The following RASGEF1A variants were observed in gnomAD, a reference collection of about 807,000 sequenced individuals.
RASGEF1A encodes the protein RasGEF domain family member 1A.
A neutral mutation model predicts 56.4 loss-of-function variants in RASGEF1A; 18 were observed. The ratio of observed to expected loss-of-function variants is 0.32; its 90% CI spans 0.22 to 0.47. The LOEUF (loss-of-function observed/expected upper bound fraction) is 0.47. RASGEF1A is among the 20% of genes least tolerant of loss of function. RASGEF1A has a pLI of 1.00. For missense variants in RASGEF1A, 422 were observed against 627.1 expected (o/e 0.67, Z 3.49); for synonymous variants, 245 against 242.6 (o/e 1.01, Z -0.09).
At chr10:43,209,689 C>CG (rs1840040206) in intron 1 of RASGEF1A, among the ~76,000 whole-genome samples, 7 of 151,426 alleles carry the variant, frequency 4.6e-5, no homozygotes, top group African/African-American at 1.5e-4. Context: ...GAAGCCCCCC[C>CG]ACCAGGGCTA....
intron 1 of RASGEF1A, among the ~76,000 whole-genome samples, chr10:43,216,570 G>A (rs754496823): frequency 4.6e-5 from 7 of 152,216 alleles, no homozygotes; most frequent in African/African-American, 7.2e-5. Context: ...CTTTGCCTTA[G>A]TGAGGATTTT....
At chr10:43,215,344 G>A (rs912014333) in intron 1 of RASGEF1A, among the ~76,000 whole-genome samples, 3 of 152,190 alleles carry the variant, frequency 2.0e-5, no homozygotes, top group African/African-American at 7.2e-5. Flanking sequence ...CAAAAACGGA[G>A]ACTATTTTTA....
intron 1 of RASGEF1A, among the ~76,000 whole-genome samples, chr10:43,211,965 T>A (rs578144730): frequency 6.6e-6 from 1 of 152,160 alleles, no homozygotes; most frequent in African/African-American, 2.4e-5. Flanking sequence ...CAGAACCAGG[T>A]ATGTGGTTCT....
At chr10:43,228,040 C>A (rs1165413634) in intron 1 of RASGEF1A, among the ~76,000 whole-genome samples, 1 of 152,110 alleles carries the variant, frequency 6.6e-6, no homozygotes, top group Non-Finnish European at 1.5e-5. Context: ...CCATGGCAGC[C>A]CCACGGGGAG....
At chr10:43,248,765 T>G (rs951532688) in intron 1 of RASGEF1A, among the ~76,000 whole-genome samples, 1 of 152,244 alleles carries the variant, frequency 6.6e-6, no homozygotes, top group African/African-American at 2.4e-5. Context: ...TGGTATTCAT[T>G]CATCCAATAA....
intron 1 of RASGEF1A, among the ~76,000 whole-genome samples, chr10:43,263,315 G>T (rs1211080905): frequency 6.6e-6 from 1 of 152,190 alleles, no homozygotes. Flanking sequence ...CTGGACTGAA[G>T]GAGGTGTGTG....
intron 1 of RASGEF1A, among the ~76,000 whole-genome samples, chr10:43,238,354 G>A (rs1197108629): frequency 2.0e-5 from 3 of 152,214 alleles, no homozygotes; most frequent in Non-Finnish European, 4.4e-5. Flanking sequence ...CCTTCAGCAG[G>A]GTTAGCCATC....
intron 1 of RASGEF1A, among the ~76,000 whole-genome samples, chr10:43,234,517 T>G (rs1302278015): frequency 2.0e-5 from 3 of 152,152 alleles, no homozygotes; most frequent in Non-Finnish European, 2.9e-5. Flanking sequence ...AGGAGCCCAG[T>G]GCCCCACAGG....
At chr10:43,210,011 G>A (rs1000438532) in intron 1 of RASGEF1A, among the ~76,000 whole-genome samples, 25 of 152,240 alleles carry the variant, frequency 1.6e-4, no homozygotes, top group South Asian at 6.2e-4. Flanking sequence ...TGCAGCTAAA[G>A]CATGACCTGT....
In RASGEF1A at chr10:43,196,095, T is replaced by G; in HGVS notation, c.*149A>C. 1 of 716,384 alleles carries G rather than the reference T, an allele frequency of 1.4e-6. No homozygotes were observed. Among genetic ancestry groups the G allele is most frequent in the Non-Finnish European group, 2.3e-6 (1 of 437,508 alleles). 44.4% of individuals were successfully genotyped at this position (716,384 alleles called of 1,614,324 possible). On this transcript the variant is annotated 3_prime_UTR_variant, in exon 13 of 13. Transcript: ENST00000395810. The surrounding 1 kb of genome is among the most constrained non-coding windows in gnomAD (Gnocchi z 4.6). The stretch of plus-strand genomic sequence containing the variant: ...AAACTTTGTAAGTGCCAAAGGTTGA[T>G]GCGTGAAATAATTACCATTTTTTTC...
intron 1 of RASGEF1A, among the ~76,000 whole-genome samples, chr10:43,262,833 T>C (rs1346232576): frequency 1.3e-5 from 2 of 152,136 alleles, no homozygotes; most frequent in Non-Finnish European, 2.9e-5. Flanking sequence ...GCAAATGTCC[T>C]GGCCAGGGGA....
intron 2 of RASGEF1A, 70 bp downstream of exon 2, chr10:43,205,849 C>T (rs879902268): frequency 2.1e-4 from 277 of 1,338,816 alleles, no homozygotes; most frequent in Non-Finnish European, 2.8e-4. Flanking sequence ...GGGCCTCCCT[C>T]CCACACCCGA....
intron 10 of RASGEF1A, 145 bp from the exon 11 acceptor site, chr10:43,197,244 C>G (rs757841237): frequency 2.0e-5 from 20 of 977,642 alleles, no homozygotes; most frequent in Non-Finnish European, 2.9e-5. Flanking sequence ...GCACGCTGAC[C>G]CCGTGGCCAT....
intron 1 of RASGEF1A, among the ~76,000 whole-genome samples, chr10:43,224,833 T>C (rs1192036370): frequency 2.0e-5 from 3 of 152,260 alleles, no homozygotes; most frequent in Non-Finnish European, 4.4e-5. Context: ...TCTTGGATTT[T>C]CCAGGAAGCC....
chr10:43,259,223 G>A (rs1176686391), intron 1 of RASGEF1A, among the ~76,000 whole-genome samples: 1 of 152,236 alleles, frequency 6.6e-6, no homozygotes, highest in African/African-American at 2.4e-5. Context: ...TGCAGGAGCA[G>A]GCTGGACCTG....
Position 43,200,230 on chromosome 10 carries a change from C to G in RASGEF1A, c.708G>C (p.Glu236Asp). 1 of 1,607,886 alleles carries G rather than the reference C, an allele frequency of 6.2e-7. No homozygotes were observed. Among genetic ancestry groups the G allele is most frequent in the Non-Finnish European group, 8.5e-7 (1 of 1,176,848 alleles). The change falls in exon 6 of 13, where the codon GAG becomes GAC. Residue 236 changes from glutamate to aspartate, a missense_variant. Physicochemically the swap from Glu to Asp is conservative, Grantham distance 45. Around this residue, in one of 2 missense-constraint regions of RASGEF1A, gnomAD observed 273 missense variants for 339.9 expected, o/e 0.80. Coordinates refer to ENST00000395810, the MANE Select transcript of RASGEF1A (RefSeq NM_145313.4). ...ELDRVSSIYP[E>D]DLMQIVSHMD... Reference sequence around the variant, plus strand: ...TGTGGCTGACGATCTGCATCAAGTCCTCAGGGTAAATGCTGCTGACCCTGT... The same window carrying G: ...TGTGGCTGACGATCTGCATCAAGTCGTCAGGGTAAATGCTGCTGACCCTGT...
intron 1 of RASGEF1A, chr10:43,209,189 C>G (rs17153156): frequency 0.26 from 253,431 of 985,138 alleles, 34,109 homozygotes; most frequent in East Asian, 0.59. Flanking sequence ...TCATGATACA[C>G]CGATGGCCAG....
intron 1 of RASGEF1A, among the ~76,000 whole-genome samples, chr10:43,248,231 C>T (rs1840588236): frequency 6.6e-6 from 1 of 151,896 alleles, no homozygotes; most frequent in South Asian, 2.1e-4. Flanking sequence ...TGGCACATGC[C>T]TGTAATCCCA....
intron 1 of RASGEF1A, among the ~76,000 whole-genome samples, chr10:43,241,865 C>T (rs1335988610): frequency 6.6e-6 from 1 of 152,104 alleles, no homozygotes; most frequent in East Asian, 1.9e-4. Flanking sequence ...TGGCCGGATG[C>T]AGAGGCTCAC....
Sources: allele counts gnomAD v4.1 joint callset (sites outside exome capture counted in the v4.1 genomes callset), GRCh38; gene constraint gnomAD v4.1.1; regional missense constraint gnomAD v4.1.1; non-coding constraint Gnocchi (gnomAD v3.1); transcripts MANE v1.5; gene names NCBI Gene and HGNC (gene_info 2026-07-23, HGNC 2026-07-21).